Variants in PLEKHA8 observed in about 807,000 individuals in gnomAD.
The protein encoded by PLEKHA8 is pleckstrin homology domain containing A8, also known as pleckstrin homology domain-containing family A member 8.
In PLEKHA8, 36 loss-of-function variants were observed where a neutral mutation model predicts 68.2. The observed-to-expected ratio is 0.53, with a 90% CI of 0.40 to 0.70. PLEKHA8 has a LOEUF of 0.70. PLEKHA8 is among the 30% of genes least tolerant of loss of function. The pLI is 0.00. For missense variants in PLEKHA8, 505 were observed against 615.4 expected (o/e 0.82, Z 1.90); for synonymous variants, 211 against 216.1 (o/e 0.98, Z 0.20).
chr7:30,041,173 TC>T (rs1183094255), intron 1 of PLEKHA8, among the ~76,000 whole-genome samples: 3 of 152,334 alleles, frequency 2.0e-5, no homozygotes, highest in Admixed American at 6.5e-5. Flanking sequence ...TCTCCATCAC[TC>T]TGCATTTAAA....
rs77286645 is a variant in PLEKHA8 at position 30,076,948 on chromosome 7, A to G, written c.1363-1642A>G. Among the ~76,000 whole-genome samples, 212 of 152,316 alleles carry G rather than the reference A, an allele frequency of 1.4e-3. 2 individuals carry two copies. The East Asian group carries it at 0.018, about 13-fold the overall frequency. ...TTTAATCTTTCAGCAGTTATACTCT[A>G]CTGAGCTGATAGCCATTTCAGGCAA... On this transcript the variant is annotated intron_variant, in intron 13 of 13. Transcript: ENST00000449726.
In PLEKHA8 at chr7:30,081,798, A is replaced by G; in HGVS notation, c.*3011A>G. Reference sequence around the variant, plus strand: ...CTAACCCCTTATGAGACATTTCCACACAATTTCATCGTGCCTGTACTTTTC... The same window carrying G: ...CTAACCCCTTATGAGACATTTCCACGCAATTTCATCGTGCCTGTACTTTTC... On this transcript the variant is annotated 3_prime_UTR_variant, in exon 14 of 14. Coordinates refer to ENST00000449726, the MANE Select transcript of PLEKHA8 (RefSeq NM_001197026.2). The G allele has an allele frequency of 3.0e-6, 3 of 985,410 alleles. No individual in the cohort carries two copies. Among genetic ancestry groups the G allele is most frequent in the Non-Finnish European group, 3.6e-6 (3 of 829,880 alleles). 61.0% of individuals were successfully genotyped at this position (985,410 alleles called of 1,614,324 possible). A position where few individuals can be genotyped will look rare whatever the true frequency, so the allele number is the denominator to read the frequency against.
intron 13 of PLEKHA8, 29 bp from the exon 14 acceptor site, chr7:30,078,561 G>T (rs1794754616): frequency 6.2e-7 from 1 of 1,610,632 alleles, no homozygotes; most frequent in African/African-American, 1.3e-5. Context: ...CAGACTTGAT[G>T]CAGATTCTCA....
At chr7:30,115,714 G>A (rs561409450) in intron 13 of PLEKHA8, 1 of 106,528 alleles carries the variant, frequency 9.4e-6, no homozygotes, top group South Asian at 2.8e-4. Flanking sequence ...GTATACATAC[G>A]CGCATGCATG....
Position 30,080,418 on chromosome 7 carries a change from G to C in PLEKHA8, c.*1631G>C, listed in dbSNP as rs1000795439. The C allele has an allele frequency of 2.0e-6, 2 of 985,016 alleles. No individual in the cohort carries two copies. The highest frequency in any genetic ancestry group is 6.2e-5 in the Admixed American group (1 of 16,240). The allele number at this position is 985,016 out of a possible 1,614,324, so 61.0% of individuals were successfully genotyped here. ...ATCCAGGGTAGAAGGTCCTTTGAGG[G>C]GCTTGGTTGAATTGAGAGCATCATC... On this transcript the variant is annotated 3_prime_UTR_variant, in exon 14 of 14. Coordinates refer to ENST00000449726, the MANE Select transcript of PLEKHA8 (RefSeq NM_001197026.2).
chr7:30,048,011 A>G, intron 4 of PLEKHA8, 55 bp downstream of exon 4: 1 of 1,006,252 alleles, frequency 9.9e-7, no homozygotes, highest in South Asian at 3.5e-5. Context: ...AAAAGAAGTG[A>G]CTACCAGTAT....
chr7:30,032,158 GTGTT>G (rs1241815018), intron 1 of PLEKHA8, among the ~76,000 whole-genome samples: 6 of 152,168 alleles, frequency 3.9e-5, no homozygotes, highest in African/African-American at 1.4e-4. Flanking sequence ...AAGAAGCACT[GTGTT>G]TGTTATTTGT....
At chr7:30,056,926 TTATA>T (rs1396894490) in intron 9 of PLEKHA8, among the ~76,000 whole-genome samples, 2 of 147,306 alleles carry the variant, frequency 1.4e-5, no homozygotes, top group Non-Finnish European at 3.0e-5. Context: ...ATTTTATATA[TTATA>T]TATAATATAT....
At chr7:30,060,451 A>G (rs1335920223) in intron 9 of PLEKHA8, among the ~76,000 whole-genome samples, 1 of 145,832 alleles carries the variant, frequency 6.9e-6, no homozygotes, top group Non-Finnish European at 1.5e-5. Context: ...AAAAACAAAC[A>G]AACCGAAAGA....
downstream of PLEKHA8, among the ~76,000 whole-genome samples, chr7:30,086,824 T>C (rs1020002580): frequency 6.6e-6 from 1 of 152,198 alleles, no homozygotes; most frequent in African/African-American, 2.4e-5. Context: ...TTTTATGATA[T>C]GAGCACATGT....
At chr7:30,087,579 A>C (rs1322777565), downstream of PLEKHA8, among the ~76,000 whole-genome samples, 1 of 152,106 alleles carries the variant, frequency 6.6e-6, no homozygotes, top group African/African-American at 2.4e-5. Context: ...CTTCCTCTCT[A>C]TACCTGCTGT....
Position 30,079,799 on chromosome 7 carries a change from C to T in PLEKHA8, c.*1012C>T. On this transcript the variant is annotated 3_prime_UTR_variant, in exon 14 of 14. Transcript: ENST00000449726. ...ACATAGGAATCTGCATTTCAGTAAA[C>T]TTTACACGTGATTCTTCTGCACACA... The T allele has an allele frequency of 1.1e-6, 1 of 877,648 alleles. No homozygotes were observed. The highest frequency in any genetic ancestry group is 1.4e-6 in the Non-Finnish European group (1 of 732,080). 54.4% of individuals were successfully genotyped at this position (877,648 alleles called of 1,614,324 possible).
In PLEKHA8 at chr7:30,099,851, T is replaced by C. The variant is rs116694876; in HGVS notation, c.1362+25719T>C. ...ACAGCTTGTATAACAAAGCTAGTTA[T>C]TCATTTCCTAAGGGAATAGCAAATC... On this transcript the variant is annotated intron_variant, in intron 13 of 13. Transcript: ENST00000396257. Among the ~76,000 whole-genome samples the C allele has an allele frequency of 4.8e-3, 731 of 152,308 alleles. 9 individuals carry two copies. Among genetic ancestry groups the C allele is most frequent in the African/African-American group, 0.016 (678 of 41,560 alleles).
chr7:30,083,674 T>C lies in PLEKHA8; in HGVS notation c.*4887T>C, dbSNP rs1795053510. On this transcript the variant is annotated 3_prime_UTR_variant, in exon 14 of 14. Transcript: ENST00000449726. ...ATACCACTACTCTGCAATGCAAAAG[T>C]CTTCAAAATTCTTTGTTTCCTGTAT... 1.0e-6 allele frequency: 1 copy of C among 985,430 alleles called. No homozygotes were observed. The highest frequency in any genetic ancestry group is 1.2e-6 in the Non-Finnish European group (1 of 829,920). 61.0% of individuals were successfully genotyped at this position (985,430 alleles called of 1,614,324 possible).
At chr7:30,033,726 C>T (rs1213555444) in intron 1 of PLEKHA8, among the ~76,000 whole-genome samples, 1 of 152,076 alleles carries the variant, frequency 6.6e-6, no homozygotes, top group African/African-American at 2.4e-5. Context: ...TGAGAGACTA[C>T]CAAATAGTTT....
Position 30,124,469 on chromosome 7 carries a change from T to A in PLEKHA8, c.1363-4797T>A, listed in dbSNP as rs1051540327. On this transcript the variant is annotated intron_variant, in intron 13 of 13. Transcript: ENST00000396257. The stretch of plus-strand genomic sequence containing the variant: ...GTAGGACAAACTTGGAAAGTGTGTT[T>A]TATTTGCCTTCGTTTATAACACTTG... Among the ~76,000 whole-genome samples, 7 of 152,212 alleles carry A rather than the reference T, an allele frequency of 4.6e-5. No homozygotes were observed. The South Asian group carries it at 1.0e-3, about 23-fold the overall frequency.
At chr7:30,056,935 A>G (rs1793036853) in intron 9 of PLEKHA8, among the ~76,000 whole-genome samples, 1 of 147,264 alleles carries the variant, frequency 6.8e-6, no homozygotes, top group Admixed American at 6.8e-5. Flanking sequence ...ATTATATATA[A>G]TATATATTTA....
At chr7:30,093,408 G>C (rs191186271), downstream of PLEKHA8, among the ~76,000 whole-genome samples, 56 of 152,322 alleles carry the variant, frequency 3.7e-4, no homozygotes, top group Non-Finnish European at 2.9e-5. Flanking sequence ...GAAAGCACAT[G>C]AGTGGTAGGA....
intron 6 of PLEKHA8, among the ~76,000 whole-genome samples, chr7:30,051,938 A>C (rs369960189): frequency 9.5e-4 from 144 of 152,244 alleles, no homozygotes; most frequent in African/African-American, 3.5e-3. Context: ...ACACCATTGC[A>C]CTCCAGCCTG....
Sources: gnomAD v4.1 joint callset for allele counts (sites outside exome capture counted in the v4.1 genomes callset) on GRCh38, gnomAD v4.1.1 for gene constraint, MANE v1.5 for transcripts, NCBI Gene and HGNC (gene_info 2026-07-23, HGNC 2026-07-21) for gene names.